Variants in DLG2 observed in about 807,000 individuals in gnomAD.
DLG2 encodes the protein discs large MAGUK scaffold protein 2, also known as disks large homolog 2.
Under a neutral mutation model 132.5 loss-of-function variants are expected in DLG2, and 45 were observed. The ratio of observed to expected loss-of-function variants is 0.34; its 90% CI spans 0.27 to 0.44. The LOEUF (loss-of-function observed/expected upper bound fraction) is 0.44, where lower values mean the gene tolerates loss of function less well. DLG2 is among the 20% of genes least tolerant of loss of function. The pLI is 1.00. For missense variants in DLG2, 1,045 were observed against 1,196.9 expected, an observed-to-expected ratio of 0.87 and a Z score of 1.87; for synonymous variants, 424 against 419.6, an observed-to-expected ratio of 1.01 and a Z score of -0.13.
At chr11:84,174,154 A>G (rs1566813156) in intron 8 of DLG2, among the ~76,000 whole-genome samples, 1 of 144,932 alleles carries the variant, frequency 6.9e-6, no homozygotes, top group African/African-American at 2.5e-5. Context: ...TGTTAAGGAG[A>G]TTTTTTTTTT....
At chr11:84,199,302 ACT>A (rs1270834695) in intron 8 of DLG2, among the ~76,000 whole-genome samples, 1 of 152,024 alleles carries the variant, frequency 6.6e-6, no homozygotes, top group Non-Finnish European at 1.5e-5. Flanking sequence ...TCAATCACAC[ACT>A]CACCCGATAT....
chr11:83,524,748 C>T (rs1565636624), intron 21 of DLG2, among the ~76,000 whole-genome samples: 1 of 152,134 alleles, frequency 6.6e-6, no homozygotes. Context: ...TATTAAGCTT[C>T]CTTGGCTTCC....
chr11:83,888,190 T>C (rs2068532663), intron 15 of DLG2, among the ~76,000 whole-genome samples: 1 of 151,712 alleles, frequency 6.6e-6, no homozygotes, highest in African/African-American at 2.4e-5. Context: ...TGATTGTATA[T>C]CTAGAAAACC....
chr11:85,618,584 A>T (rs185432720), intron 2 of DLG2, among the ~76,000 whole-genome samples: 1 of 152,324 alleles, frequency 6.6e-6, no homozygotes, highest in Admixed American at 6.5e-5. Flanking sequence ...ACATAAAGAC[A>T]GGAACAATAG....
chr11:83,792,814 A>G (rs2041924079), intron 17 of DLG2, among the ~76,000 whole-genome samples: 1 of 152,146 alleles, frequency 6.6e-6, no homozygotes, highest in Non-Finnish European at 1.5e-5. Flanking sequence ...ATCATCTAAC[A>G]GTAAGTTGTT....
chr11:83,673,260 A>G (rs773255903), intron 18 of DLG2, among the ~76,000 whole-genome samples: 4 of 152,198 alleles, frequency 2.6e-5, no homozygotes, highest in Admixed American at 6.5e-5. Flanking sequence ...TTGCCACAGA[A>G]TCATTAATAA....
intron 2 of DLG2, among the ~76,000 whole-genome samples, chr11:85,608,324 G>A (rs1403870660): frequency 6.6e-6 from 1 of 151,996 alleles, no homozygotes; most frequent in African/African-American, 2.4e-5. Flanking sequence ...ATTTTTTTCT[G>A]CACTATGGTC....
chr11:84,554,892 T>C (rs577461603), intron 6 of DLG2, among the ~76,000 whole-genome samples: 9 of 152,046 alleles, frequency 5.9e-5, no homozygotes, highest in Non-Finnish European at 1.3e-4. Context: ...AATGAGAATA[T>C]CTCCCATGTG....
intron 6 of DLG2, among the ~76,000 whole-genome samples, chr11:84,867,813 G>T (rs958887119): frequency 2.0e-5 from 3 of 152,104 alleles, no homozygotes; most frequent in Non-Finnish European, 2.9e-5. Context: ...GGTGGCTCAC[G>T]CCTGTAATCC....
rs189400100 is a variant in DLG2 at position 84,989,397 on chromosome 11, A to C, written c.357+122264T>G. 3.9e-5 allele frequency among the ~76,000 whole-genome samples: 6 copies of C among 152,192 alleles called. No homozygotes were observed. The East Asian group carries it at 1.2e-3, about 29-fold the overall frequency. The stretch of plus-strand genomic sequence containing the variant: ...CACCATGTTGGCCGGGGTGGTCTCA[A>C]ACTCTTGACCTCAGGCGATCCACCC... On this transcript the variant is annotated intron_variant, in intron 6 of 27. Transcript: ENST00000376104.
At chr11:83,914,607 C>T (rs2076613075) in intron 15 of DLG2, among the ~76,000 whole-genome samples, 1 of 152,080 alleles carries the variant, frequency 6.6e-6, no homozygotes, top group South Asian at 2.1e-4. Context: ...GAGATGGATA[C>T]TTTTTAAAAA....
chr11:84,204,503 T>C (rs968866612), intron 8 of DLG2, among the ~76,000 whole-genome samples: 1 of 151,962 alleles, frequency 6.6e-6, no homozygotes, highest in Non-Finnish European at 1.5e-5. Flanking sequence ...TATGTGATTA[T>C]TCCAAAAGAA....
At chr11:84,106,314 T>C (rs1314211725) in intron 9 of DLG2, among the ~76,000 whole-genome samples, 1 of 152,076 alleles carries the variant, frequency 6.6e-6, no homozygotes. Flanking sequence ...TTATTTAAAG[T>C]CTTTCTCACA....
chr11:85,534,737 C>T (rs1010717952), intron 3 of DLG2, among the ~76,000 whole-genome samples: 2 of 152,174 alleles, frequency 1.3e-5, no homozygotes, highest in Admixed American at 6.5e-5. Context: ...CGTATTCCAT[C>T]GTTGATGAGC....
chr11:84,359,098 A>G (rs1434275116), intron 7 of DLG2, among the ~76,000 whole-genome samples: 1 of 151,856 alleles, frequency 6.6e-6, no homozygotes, highest in Non-Finnish European at 1.5e-5. Flanking sequence ...TTTGACCTCC[A>G]TGGCCAAGAA....
intron 10 of DLG2, among the ~76,000 whole-genome samples, chr11:84,084,925 C>T (rs962655658): frequency 1.3e-5 from 2 of 152,136 alleles, no homozygotes; most frequent in African/African-American, 4.8e-5. Flanking sequence ...TGTAAATCCC[C>T]ATTTGTTCAT....
chr11:85,315,426 A>G (rs2080594969), intron 3 of DLG2, among the ~76,000 whole-genome samples: 2 of 151,976 alleles, frequency 1.3e-5, no homozygotes, highest in South Asian at 4.1e-4. Flanking sequence ...TGGTATCATA[A>G]AAGGCTCAGT....
intron 11 of DLG2, among the ~76,000 whole-genome samples, chr11:84,025,509 T>C (rs1281990899): frequency 6.6e-6 from 1 of 152,164 alleles, no homozygotes; most frequent in Non-Finnish European, 1.5e-5. Flanking sequence ...AATACTTGAA[T>C]ATGGTTCTTT....
chr11:84,996,477 A>G lies in DLG2; in HGVS notation c.357+115184T>C, dbSNP rs191824163. On this transcript the variant is annotated intron_variant, in intron 6 of 27. Transcript: ENST00000376104. ...TGTACTACTTAAGTCACCAGTGGTA[A>G]TTCAGTAATTAAGATCTGTCTACTA... 1.1e-4 allele frequency among the ~76,000 whole-genome samples: 16 copies of G among 152,274 alleles called. 1 individual carries two copies. In the East Asian group the frequency reaches 3.1e-3, roughly 29 times the overall value.
Sources: allele counts gnomAD v4.1 joint callset (sites outside exome capture counted in the v4.1 genomes callset), GRCh38; gene constraint gnomAD v4.1.1; transcripts MANE v1.5; gene names NCBI Gene and HGNC (gene_info 2026-07-23, HGNC 2026-07-21).